The following KCNH1 variants were observed in gnomAD, a reference collection of about 807,000 sequenced individuals.
KCNH1 encodes the protein voltage-gated delayed rectifier potassium channel KCNH1.
A neutral mutation model predicts 69.2 loss-of-function variants in KCNH1; 27 were observed. The observed-to-expected ratio is 0.39, with a 90% CI of 0.29 to 0.54. The LOEUF is 0.54. Among genes scored for constraint, KCNH1 ranks in the 20% least tolerant of loss-of-function variants. The probability of loss-of-function intolerance (pLI) is 0.68; values close to 1 mark genes in which losing one functional copy is unlikely to be tolerated. For synonymous variants in KCNH1, 456 were observed against 487.7 expected (o/e 0.93, Z 0.86); for missense variants, 798 against 1,261.6 (o/e 0.63, Z 5.57).
At chr1:210,802,297 A>G (rs1340479794) in intron 8 of KCNH1, among the ~76,000 whole-genome samples, 1 of 152,236 alleles carries the variant, frequency 6.6e-6, no homozygotes, top group East Asian at 1.9e-4. Flanking sequence ...TCAACTGACA[A>G]TTCTAATGAA....
chr1:211,021,286 T>C (rs2102415665), intron 5 of KCNH1, among the ~76,000 whole-genome samples: 1 of 152,192 alleles, frequency 6.6e-6, no homozygotes, highest in East Asian at 1.9e-4. Flanking sequence ...AACACCCACC[T>C]GTTCCTCAAT....
intron 9 of KCNH1, among the ~76,000 whole-genome samples, chr1:210,787,184 T>C (rs780541288): frequency 2.0e-5 from 3 of 151,722 alleles, no homozygotes; most frequent in Non-Finnish European, 4.4e-5. Flanking sequence ...CCCAGATGTG[T>C]CTCCAAAACC....
intron 7 of KCNH1, chr1:210,860,621 C>A (rs571326470): frequency 1.2e-6 from 1 of 801,730 alleles, no homozygotes; most frequent in South Asian, 1.3e-5. Context: ...TCATCATTTT[C>A]TGTTTCTGTT....
intron 6 of KCNH1, among the ~76,000 whole-genome samples, chr1:210,974,188 G>A (rs1688560115): frequency 6.6e-6 from 1 of 152,108 alleles, no homozygotes; most frequent in Non-Finnish European, 1.5e-5. Flanking sequence ...ATCAGGTTGA[G>A]GAAGTTCCTT....
chr1:210,731,597 A>C (rs1682748591), intron 10 of KCNH1, among the ~76,000 whole-genome samples: 1 of 152,186 alleles, frequency 6.6e-6, no homozygotes, highest in Admixed American at 6.6e-5. Flanking sequence ...AAATTTTATG[A>C]AAAAGATGAG....
At chr1:210,741,674 C>T (rs1294992946) in intron 10 of KCNH1, among the ~76,000 whole-genome samples, 6 of 152,180 alleles carry the variant, frequency 3.9e-5, no homozygotes, top group Non-Finnish European at 7.3e-5. Context: ...AAAGCCCTGG[C>T]CCACAGAATG....
At chr1:210,967,259 A>C (rs905399395) in intron 6 of KCNH1, among the ~76,000 whole-genome samples, 7 of 152,188 alleles carry the variant, frequency 4.6e-5, no homozygotes, top group African/African-American at 1.7e-4. Context: ...CCACCATGGC[A>C]TGTGTATACC....
chr1:210,720,566 A>G (rs182510430), intron 10 of KCNH1, among the ~76,000 whole-genome samples: 175 of 152,350 alleles, frequency 1.1e-3, no homozygotes, highest in African/African-American at 3.9e-3. Flanking sequence ...CGTAAGGGAT[A>G]GAATTTTAAT....
At chr1:210,704,705 TAGAGTTA>T (rs544807996) in intron 10 of KCNH1, among the ~76,000 whole-genome samples, 57 of 152,370 alleles carry the variant, frequency 3.7e-4, no homozygotes, top group African/African-American at 1.2e-3. Context: ...TTTGAAGGTT[TAGAGTTA>T]AAAGTCCATA....
intron 6 of KCNH1, among the ~76,000 whole-genome samples, chr1:210,996,728 AC>A (rs1476485488): frequency 2.6e-5 from 4 of 152,172 alleles, no homozygotes; most frequent in African/African-American, 4.8e-5. Flanking sequence ...ACTGGGAGGC[AC>A]CCCCCAGTAG....
rs1290898939 is a variant in KCNH1 at position 211,133,332 on chromosome 1, G to A, written c.79+535C>T. ...TGAAGGGGTGGAATCAGGCCGCCGA[G>A]AGCACGTCCCGACACCTCGGACTTT... On this transcript the variant is annotated intron_variant, in intron 1 of 10. Coordinates refer to ENST00000271751, the MANE Select transcript of KCNH1 (RefSeq NM_172362.3). This position sits in a 1 kb window ranked among gnomAD's most constrained non-coding sequence, Gnocchi z 5.4. 6.6e-6 allele frequency: 1 copy of A among 152,252 alleles called. No homozygotes were observed. The highest frequency in any genetic ancestry group is 2.4e-5 in the African/African-American group (1 of 41,448). The allele number at this position is 152,252 out of a possible 1,614,324, so 9.4% of individuals were successfully genotyped here.
At chr1:210,689,032 T>C (rs1052534705) in intron 10 of KCNH1, among the ~76,000 whole-genome samples, 1 of 152,206 alleles carries the variant, frequency 6.6e-6, no homozygotes, top group Non-Finnish European at 1.5e-5. Context: ...TCATGACTTA[T>C]TGCAACCTAG....
chr1:211,057,725 C>T (rs777525992), intron 5 of KCNH1, among the ~76,000 whole-genome samples: 9 of 151,386 alleles, frequency 5.9e-5, no homozygotes, highest in Non-Finnish European at 1.0e-4. Flanking sequence ...GAGACAGACA[C>T]GAACTACAAA....
chr1:211,112,748 A>T (rs1344003898), intron 1 of KCNH1, among the ~76,000 whole-genome samples: 1 of 152,072 alleles, frequency 6.6e-6, no homozygotes, highest in Admixed American at 6.5e-5. Flanking sequence ...TTCCCTCTTT[A>T]CCCAAGGAGT....
chr1:210,809,170 G>A (rs2102413165), intron 7 of KCNH1, among the ~76,000 whole-genome samples: 1 of 152,130 alleles, frequency 6.6e-6, no homozygotes, highest in South Asian at 2.1e-4. Flanking sequence ...ATTTGGCTGG[G>A]GAGGTGGGGG....
At chr1:210,727,207 G>C (rs989142314) in intron 10 of KCNH1, among the ~76,000 whole-genome samples, 1 of 152,172 alleles carries the variant, frequency 6.6e-6, no homozygotes, top group East Asian at 1.9e-4. Context: ...GAAGTATGTA[G>C]AAGTATATAC....
intron 5 of KCNH1, among the ~76,000 whole-genome samples, chr1:211,053,255 T>C (rs1690237966): frequency 6.6e-6 from 1 of 152,184 alleles, no homozygotes; most frequent in South Asian, 2.1e-4. Context: ...AGAGCATGAG[T>C]GTTTAAAGAG....
intron 10 of KCNH1, among the ~76,000 whole-genome samples, chr1:210,718,272 G>A (rs1191455550): frequency 1.1e-5 from 1 of 91,358 alleles, no homozygotes; most frequent in African/African-American, 3.9e-5. Context: ...ATAAATATAT[G>A]TGCATATAAA....
At chr1:211,111,409 G>A (rs917675603) in intron 1 of KCNH1, among the ~76,000 whole-genome samples, 1 of 144,936 alleles carries the variant, frequency 6.9e-6, no homozygotes, top group Admixed American at 6.9e-5. Flanking sequence ...AGTCAGGAGC[G>A]CTTCTGCCCG....
Sources: allele counts gnomAD v4.1 joint callset (sites outside exome capture counted in the v4.1 genomes callset), GRCh38; gene constraint gnomAD v4.1.1; non-coding constraint Gnocchi (gnomAD v3.1); transcripts MANE v1.5; gene names NCBI Gene and HGNC (gene_info 2026-07-23, HGNC 2026-07-21).